Variants in CDKAL1 observed in about 807,000 individuals in gnomAD.
CDKAL1 encodes threonylcarbamoyladenosine tRNA methylthiotransferase.
A neutral mutation model predicts 68.2 loss-of-function variants in CDKAL1; 32 were observed. That is an observed-to-expected ratio of 0.47 (90% CI 0.35 to 0.63). The LOEUF (loss-of-function observed/expected upper bound fraction) is 0.63, where lower values mean the gene tolerates loss of function less well. Ranked by LOEUF, CDKAL1 falls within the 30% of genes least tolerant of loss-of-function variation. CDKAL1 has a pLI of 0.00. For missense variants in CDKAL1, 606 were observed against 696.7 expected (o/e 0.87, Z 1.47); for synonymous variants, 234 against 244.3 (o/e 0.96, Z 0.39).
chr6:20,733,390 A>G (rs1773044492), intron 5 of CDKAL1, among the ~76,000 whole-genome samples: 1 of 152,240 alleles, frequency 6.6e-6, no homozygotes, highest in African/African-American at 2.4e-5. Flanking sequence ...AACAAATTGT[A>G]GAATGAAAAC....
chr6:20,745,802 C>A (rs1385034284), intron 6 of CDKAL1, among the ~76,000 whole-genome samples: 4 of 152,274 alleles, frequency 2.6e-5, no homozygotes, highest in Non-Finnish European at 4.4e-5. Context: ...CAAAGCTGTC[C>A]TGGGCCACGT....
intron 8 of CDKAL1, among the ~76,000 whole-genome samples, chr6:20,842,864 C>T (rs1032360793): frequency 1.3e-5 from 2 of 152,224 alleles, no homozygotes; most frequent in Non-Finnish European, 2.9e-5. Flanking sequence ...AAAAAATTAT[C>T]ATGTCAACAA....
At chr6:20,728,369 T>G (rs976964702) in intron 5 of CDKAL1, among the ~76,000 whole-genome samples, 1 of 152,194 alleles carries the variant, frequency 6.6e-6, no homozygotes, top group Non-Finnish European at 1.5e-5. Flanking sequence ...ACTCCAGAAA[T>G]TTTTATGGAT....
intron 9 of CDKAL1, among the ~76,000 whole-genome samples, chr6:20,857,530 G>A (rs1157572399): frequency 6.6e-6 from 1 of 152,178 alleles, no homozygotes; most frequent in African/African-American, 2.4e-5. Flanking sequence ...TGAGGTCATT[G>A]GCACTTATTG....
At chr6:20,791,070 T>C (rs1247716385) in intron 8 of CDKAL1, among the ~76,000 whole-genome samples, 5 of 152,212 alleles carry the variant, frequency 3.3e-5, no homozygotes, top group African/African-American at 1.2e-4. Context: ...GCTTTCAGGC[T>C]TTAAACTGTC....
chr6:21,012,701 C>T (rs757367866), intron 11 of CDKAL1, among the ~76,000 whole-genome samples: 20 of 152,208 alleles, frequency 1.3e-4, no homozygotes, highest in Admixed American at 2.6e-4. Context: ...CTGATGGCCC[C>T]TGGCTTTCCT....
intron 11 of CDKAL1, among the ~76,000 whole-genome samples, chr6:21,041,906 G>A (rs17730046): frequency 0.27 from 40,706 of 151,970 alleles, 5,651 homozygotes; most frequent in South Asian, 0.36. Context: ...GATAACACAG[G>A]TTTAGCTATT....
At chr6:20,686,345 C>T (rs1255496422) in intron 5 of CDKAL1, among the ~76,000 whole-genome samples, 2 of 152,066 alleles carry the variant, frequency 1.3e-5, no homozygotes, top group South Asian at 4.1e-4. Context: ...AGCTGCTCCC[C>T]CTTGCTTGCA....
chr6:20,665,347 G>T (rs1481732930), intron 5 of CDKAL1, among the ~76,000 whole-genome samples: 1 of 152,036 alleles, frequency 6.6e-6, no homozygotes, highest in African/African-American at 2.4e-5. Flanking sequence ...AGAAAAAATT[G>T]TTAATGCAAT....
intron 15 of CDKAL1, among the ~76,000 whole-genome samples, chr6:21,217,177 T>TAC (rs898074400): frequency 4.6e-5 from 7 of 152,008 alleles, no homozygotes; most frequent in African/African-American, 7.2e-5. Context: ...TATATATATA[T>TAC]ACACACATAT....
intron 9 of CDKAL1, among the ~76,000 whole-genome samples, chr6:20,934,788 C>G (rs2150681679): frequency 6.6e-6 from 1 of 152,094 alleles, no homozygotes; most frequent in South Asian, 2.1e-4. Context: ...CAAAGCTCTG[C>G]AGTGAACTAT....
rs935570051 is a variant in CDKAL1, at chr6:20,926,938, T to TAG, written c.743-28469_743-28468dup. 9.3e-3 allele frequency among the ~76,000 whole-genome samples: 1,369 copies of TAG among 147,880 alleles called. 21 individuals carry two copies. Among genetic ancestry groups the TAG allele is most frequent in the African/African-American group, 0.028 (1,141 of 40,638 alleles). The stretch of plus-strand genomic sequence containing the variant: ...ACATATATATTTTTATATATATATA[T>TAG]AGAGAGAGAGAGACATGAATAGAAT... On this transcript the variant is annotated intron_variant, in intron 9 of 15. Coordinates refer to ENST00000274695, the MANE Select transcript of CDKAL1 (RefSeq NM_017774.3).
intron 4 of CDKAL1, among the ~76,000 whole-genome samples, chr6:20,646,498 T>C (rs1193723872): frequency 1.3e-5 from 2 of 152,130 alleles, no homozygotes; most frequent in Non-Finnish European, 2.9e-5. Context: ...AACTGTCATA[T>C]ATGTGGTCCA....
chr6:20,620,704 T>C (rs559706437), intron 4 of CDKAL1, among the ~76,000 whole-genome samples: 25 of 152,264 alleles, frequency 1.6e-4, no homozygotes, highest in Middle Eastern at 3.4e-3. Context: ...TTTTTTTTTT[T>C]CTGGAAGAAA....
intron 11 of CDKAL1, among the ~76,000 whole-genome samples, chr6:21,006,418 T>C (rs1767730321): frequency 6.6e-6 from 1 of 152,202 alleles, no homozygotes; most frequent in African/African-American, 2.4e-5. Context: ...TTAGGCAAAA[T>C]GCTTCCCTGA....
chr6:20,936,102 A>G (rs1013021117), intron 9 of CDKAL1, among the ~76,000 whole-genome samples: 4 of 152,120 alleles, frequency 2.6e-5, no homozygotes, highest in Non-Finnish European at 5.9e-5. Context: ...TAGAATAATT[A>G]TTCTTTTCTA....
At chr6:20,709,630 T>A (rs1024448344) in intron 5 of CDKAL1, among the ~76,000 whole-genome samples, 11 of 152,128 alleles carry the variant, frequency 7.2e-5, no homozygotes, top group African/African-American at 2.7e-4. Context: ...CACTTAACAA[T>A]AAGGACGTGG....
chr6:21,061,350 T>C (rs1771130545), intron 11 of CDKAL1, among the ~76,000 whole-genome samples: 1 of 152,128 alleles, frequency 6.6e-6, no homozygotes, highest in Non-Finnish European at 1.5e-5. Flanking sequence ...ATATTTTCAT[T>C]TTCATCTTCC....
chr6:20,932,842 G>T (rs1763528926), intron 9 of CDKAL1, among the ~76,000 whole-genome samples: 1 of 152,120 alleles, frequency 6.6e-6, no homozygotes, highest in Non-Finnish European at 1.5e-5. Flanking sequence ...CCTCCTAGGG[G>T]AACCCAGCAA....
Sources: gnomAD v4.1 joint callset for allele counts (sites outside exome capture counted in the v4.1 genomes callset) on GRCh38, gnomAD v4.1.1 for gene constraint, MANE v1.5 for transcripts, NCBI Gene and HGNC (gene_info 2026-07-23, HGNC 2026-07-21) for gene names.